Variants in EIF3B observed in about 807,000 individuals in gnomAD.
EIF3B encodes the protein eukaryotic translation initiation factor 3 subunit 9.
A neutral mutation model predicts 104.6 loss-of-function variants in EIF3B; 10 were observed. The observed-to-expected ratio is 0.10, with a 90% CI of 0.06 to 0.16. EIF3B has a LOEUF of 0.16. Among genes scored for constraint, EIF3B ranks in the 10% least tolerant of loss-of-function variants. EIF3B has a pLI of 1.00. For synonymous variants in EIF3B, 542 were observed against 417.2 expected, an observed-to-expected ratio of 1.30 and a Z score of -3.65; for missense variants, 1,014 against 1,087.9, an observed-to-expected ratio of 0.93 and a Z score of 0.96.
intron 14 of EIF3B, chr7:2,376,162 T>C (rs1054058): frequency 0.54 from 81,934 of 152,766 alleles, 24,177 homozygotes; most frequent in East Asian, 0.86. Context: ...TGTCCAGGTA[T>C]GTTCAGATGT....
chr7:2,368,580 A>C (rs946449746), intron 9 of EIF3B, among the ~76,000 whole-genome samples: 3 of 152,220 alleles, frequency 2.0e-5, no homozygotes, highest in Non-Finnish European at 4.4e-5. Flanking sequence ...ATGAATTTTC[A>C]AGGCCAGAGC....
rs754359736 is a variant in EIF3B at position 2,378,704 on chromosome 7, C to T, written c.2170C>T (p.Leu724=). The part of the protein sequence containing the change: ...QEQIKQIKKD[L]KKYSKIFEQK... Reference sequence around the variant, plus strand: ...TTTGTTTCAGCAAATTAAAAAGGATCTGAAGAAATACTCTAAGATCTTTGA... The same window carrying T: ...TTTGTTTCAGCAAATTAAAAAGGATTTGAAGAAATACTCTAAGATCTTTGA... Residue 724 remains leucine, a synonymous_variant, in exon 16 of 19, where the codon CTG becomes TTG. Transcript: ENST00000360876. The T allele has an allele frequency of 5.0e-6, 8 of 1,613,814 alleles. No individual in the cohort carries two copies. The African/African-American group carries it at 5.3e-5, about 11-fold the overall frequency.
chr7:2,376,270 A>G (rs4721657), intron 14 of EIF3B: 45,165 of 150,670 alleles, frequency 0.3, 8,451 homozygotes, highest in African/African-American at 0.54. Flanking sequence ...AGAGGTAGAA[A>G]AATCACTTGA....
rs551163012 is a variant in EIF3B, at chr7:2,373,045, T to C, written c.1810+250T>C. ...GAGTATTTCCAAGGCTTCCATTCTC[T>C]GCCATCATCTCAAGTGAAGCTTTTT... is the stretch of plus-strand genomic sequence containing the variant. On this transcript the variant is annotated intron_variant, in intron 12 of 18. Coordinates refer to ENST00000360876, the MANE Select transcript of EIF3B (RefSeq NM_001037283.2). 4 of 331,360 alleles carry C rather than the reference T, an allele frequency of 1.2e-5. No homozygotes were observed. In the South Asian group the frequency reaches 4.3e-4, roughly 36 times the overall value. 20.5% of individuals were successfully genotyped at this position (331,360 alleles called of 1,614,324 possible). A position where few individuals can be genotyped will look rare whatever the true frequency, so the allele number is the denominator to read the frequency against.
At chr7:2,369,338 C>A in intron 9 of EIF3B, 134 bp from the exon 10 acceptor site, 2 of 932,566 alleles carry the variant, frequency 2.1e-6, no homozygotes, top group Non-Finnish European at 3.4e-6. Flanking sequence ...AGTGGCTGTG[C>A]AGAGGGAGCG....
intron 2 of EIF3B, among the ~76,000 whole-genome samples, chr7:2,362,301 C>T (rs1448329287): frequency 6.6e-6 from 1 of 152,120 alleles, no homozygotes; most frequent in African/African-American, 2.4e-5. Flanking sequence ...AATTGATATA[C>T]AGTAAATCTG....
Position 2,379,184 on chromosome 7 carries a change from G to A in EIF3B, c.2283G>A (p.Arg761=), listed in dbSNP as rs1212342731. 3.7e-6 allele frequency: 6 copies of A among 1,613,982 alleles called. No homozygotes were observed. Among genetic ancestry groups the A allele is most frequent in the African/African-American group, 1.3e-5 (1 of 75,014 alleles). The change falls in exon 17 of 19, where the codon CGG becomes CGA. Residue 761 remains arginine (R), a synonymous_variant. Coordinates refer to ENST00000360876, the MANE Select transcript of EIF3B (RefSeq NM_001037283.2). Reference sequence around the variant, plus strand: ...TGATGGAAGATTTCCGGAAGTACCGGAAAATGGCCCAGGAGCTCTATATGG... The same window carrying A: ...TGATGGAAGATTTCCGGAAGTACCGAAAAATGGCCCAGGAGCTCTATATGG... ...RTMMEDFRKY[R]KMAQELYMEQ... is the part of the protein sequence containing the mutation.
chr7:2,360,471 A>C (rs1269554740), intron 1 of EIF3B, among the ~76,000 whole-genome samples: 1 of 152,162 alleles, frequency 6.6e-6, no homozygotes, highest in Non-Finnish European at 1.5e-5. Context: ...TTATTACCAG[A>C]ACTTAATTGA....
At chr7:2,371,936 C>T in intron 11 of EIF3B, 87 bp downstream of exon 11, 1 of 1,041,578 alleles carries the variant, frequency 9.6e-7, no homozygotes. Context: ...GAGGGGTTGT[C>T]TGAGCAGCTG....
Position 2,376,932 on chromosome 7 carries a change from G to A in EIF3B, c.2029-18G>A, listed in dbSNP as rs1173377664. On this transcript the variant is annotated intron_variant, in intron 14 of 18. Transcript: ENST00000360876. ...CTCTGACCCCTCTGTGTCCTGGTGT[G>A]TCCCTGCCCTGGCCTAGGTGGACAA... is the stretch of plus-strand genomic sequence containing the variant. The A allele has an allele frequency of 2.5e-6, 4 of 1,611,628 alleles. No individual in the cohort carries two copies. Among genetic ancestry groups the A allele is most frequent in the Non-Finnish European group, 3.4e-6 (4 of 1,178,512 alleles).
chr7:2,377,214 G>T (rs1455238242), intron 15 of EIF3B, 139 bp downstream of exon 15: 14 of 1,187,148 alleles, frequency 1.2e-5, no homozygotes, highest in Non-Finnish European at 1.6e-5. Flanking sequence ...TTGAAGAGAC[G>T]CAGGAACAGT....
rs1436035971 is a variant in EIF3B, at chr7:2,355,379, T to G, written c.458T>G (p.Phe153Cys). Residue 153 changes from phenylalanine (F) to cysteine (C), a missense_variant, in exon 1 of 19, where the codon TTC becomes TGC. By Grantham distance (205) the Phe-to-Cys change is radical. Around this residue, in one of 4 missense-constraint regions of EIF3B, gnomAD observed 488 missense variants for 404.3 expected, o/e 1.21. Transcript: ENST00000360876. ...AACGGCGACGCGGACGAGCCCTCCTTCAGCGACCCCGAGGACTTCGTGGAC... is the reference window on the plus strand; with the variant it reads ...AACGGCGACGCGGACGAGCCCTCCTGCAGCGACCCCGAGGACTTCGTGGAC... ...LENGDADEPS[F>C]SDPEDFVDDV... The G allele has an allele frequency of 1.3e-6, 2 of 1,530,620 alleles. No homozygotes were observed. The highest frequency in any genetic ancestry group is 4.9e-5 in the East Asian group (2 of 40,752). 94.8% of individuals were successfully genotyped at this position (1,530,620 alleles called of 1,614,324 possible).
At chr7:2,366,194 G>T in intron 6 of EIF3B, 123 bp from the exon 7 acceptor site, 1 of 1,030,104 alleles carries the variant, frequency 9.7e-7, no homozygotes, top group Non-Finnish European at 1.4e-6. Context: ...TTGGGGCCGG[G>T]CAGTGTGGGG....
In EIF3B at chr7:2,355,389, C is replaced by T. The variant is rs1281035836; in HGVS notation, c.468C>T (p.Pro156=). ...CGGACGAGCCCTCCTTCAGCGACCC[C>T]GAGGACTTCGTGGACGACGTGAGCG... ...GDADEPSFSD[P]EDFVDDVSEE... Residue 156 remains proline (P), a synonymous_variant, in exon 1 of 19, where the codon CCC becomes CCT. Transcript: ENST00000360876. 5 of 1,511,122 alleles carry T rather than the reference C, an allele frequency of 3.3e-6. No homozygotes were observed. In the Admixed American group the frequency reaches 8.1e-5, roughly 25 times the overall value. The allele number at this position is 1,511,122 out of a possible 1,614,324, so 93.6% of individuals were successfully genotyped here. A position where few individuals can be genotyped will look rare whatever the true frequency, so the allele number is the denominator to read the frequency against.
chr7:2,363,229 G>C, intron 4 of EIF3B, 102 bp downstream of exon 4: 3 of 1,203,846 alleles, frequency 2.5e-6, no homozygotes, highest in Non-Finnish European at 3.7e-6. Flanking sequence ...GAGGTGGGAG[G>C]ATCGCTTAAG....
intron 5 of EIF3B, 24 bp downstream of exon 5, chr7:2,363,784 G>A (rs748032852): frequency 6.2e-7 from 1 of 1,608,502 alleles, no homozygotes; most frequent in Non-Finnish European, 8.5e-7. Flanking sequence ...GCTGCTGGGG[G>A]CGGGGACTCA....
upstream of EIF3B, chr7:2,354,774 G>T: frequency 7.9e-6 from 6 of 762,246 alleles, no homozygotes; most frequent in Non-Finnish European, 9.7e-6. Flanking sequence ...GCCCCAGGGC[G>T]TGGGTGCGCC....
At chr7:2,371,469 A>G (rs1293738882) in intron 10 of EIF3B, among the ~76,000 whole-genome samples, 1 of 152,244 alleles carries the variant, frequency 6.6e-6, no homozygotes, top group Non-Finnish European at 1.5e-5. Context: ...CCTGGCCTGC[A>G]GCCTGCAGTG....
At chr7:2,368,074 C>T (rs1780132589) in intron 9 of EIF3B, among the ~76,000 whole-genome samples, 1 of 150,958 alleles carries the variant, frequency 6.6e-6, no homozygotes. Context: ...GAACTCCTGA[C>T]CTCAAGTGAT....
Sources: gnomAD v4.1 joint callset for allele counts (sites outside exome capture counted in the v4.1 genomes callset) on GRCh38, gnomAD v4.1.1 for gene constraint, gnomAD v4.1.1 regional missense constraint, MANE v1.5 for transcripts, NCBI Gene and HGNC (gene_info 2026-07-23, HGNC 2026-07-21) for gene names.